SLC29A1: variants seen among roughly 807,000 people sequenced by gnomAD.
SLC29A1 encodes the protein equilibrative nucleoside transporter 1.
In SLC29A1, 22 loss-of-function variants were observed where a neutral mutation model predicts 48.3. That is an observed-to-expected ratio of 0.46 (90% CI 0.33 to 0.65). SLC29A1 has a LOEUF of 0.65. Among genes scored for constraint, SLC29A1 ranks in the 30% least tolerant of loss-of-function variants. SLC29A1 has a pLI of 0.03. For missense variants in SLC29A1, 491 were observed against 575.3 expected, an observed-to-expected ratio of 0.85 and a Z score of 1.50; for synonymous variants, 228 against 231.0, an observed-to-expected ratio of 0.99 and a Z score of 0.12.
intron 2 of SLC29A1, among the ~76,000 whole-genome samples, chr6:44,228,402 G>A (rs1561879703): frequency 6.6e-6 from 1 of 152,376 alleles, no homozygotes; most frequent in East Asian, 1.9e-4. Flanking sequence ...AGGGAAGCAT[G>A]TATGTGAGGG....
rs772161447 is a variant in SLC29A1, at chr6:44,230,068, C to A, written c.454+22C>A. 2.6e-5 allele frequency: 41 copies of A among 1,602,594 alleles called. 1 individual carries two copies. The highest frequency in any genetic ancestry group is 3.3e-5 in the Non-Finnish European group (39 of 1,179,780). ...AATTGTAAGCTGGGCCAGGAGGGGGCCTATGGGAGGAGGCATGCCCAACTA... is the reference window on the plus strand; with the variant it reads ...AATTGTAAGCTGGGCCAGGAGGGGGACTATGGGAGGAGGCATGCCCAACTA... On this transcript the variant is annotated intron_variant, in intron 5 of 12. Coordinates refer to ENST00000371755, the MANE Select transcript of SLC29A1 (RefSeq NM_001372327.1).
At chr6:44,221,326 A>T (rs577126605), upstream of SLC29A1, among the ~76,000 whole-genome samples, 116 of 152,362 alleles carry the variant, frequency 7.6e-4, 1 homozygote, top group African/African-American at 2.5e-3. This position sits in a 1 kb window ranked among gnomAD's most constrained non-coding sequence, Gnocchi z 4.2. Flanking sequence ...GAACACAGAC[A>T]GTCATGAGAC....
chr6:44,221,026 C>T (rs116543115), upstream of SLC29A1, among the ~76,000 whole-genome samples: 1,859 of 152,128 alleles, frequency 0.012, 33 homozygotes, highest in African/African-American at 0.041. This position sits in a 1 kb window ranked among gnomAD's most constrained non-coding sequence, Gnocchi z 4.2. Flanking sequence ...ACCACAGGCT[C>T]GAGCCACCAT....
upstream of SLC29A1, chr6:44,221,815 T>C: frequency 2.6e-6 from 1 of 382,004 alleles, no homozygotes; most frequent in South Asian, 2.0e-5. The surrounding 1 kb of genome is among the most constrained non-coding windows in gnomAD (Gnocchi z 4.2). Context: ...CGGACTTCTC[T>C]CCAACAATAA....
Position 44,229,497 on chromosome 6 carries a change from T to C in SLC29A1, c.111+26T>C, listed in dbSNP as rs1225352250. On this transcript the variant is annotated intron_variant, in intron 3 of 12. Coordinates refer to ENST00000371755, the MANE Select transcript of SLC29A1 (RefSeq NM_001372327.1). The surrounding 1 kb of genome is among the most constrained non-coding windows in gnomAD (Gnocchi z 5.1). The stretch of plus-strand genomic sequence containing the variant: ...GTGAGGCTGGAGGGACTGGGCTCCA[T>C]GGGGCAGTGCCCACTGTGCTTGCAG... 8.7e-6 allele frequency: 14 copies of C among 1,609,996 alleles called. No homozygotes were observed. The highest frequency in any genetic ancestry group is 1.1e-5 in the Non-Finnish European group (13 of 1,176,226).
upstream of SLC29A1, chr6:44,219,910 G>A: frequency 1.8e-6 from 1 of 550,792 alleles, no homozygotes; most frequent in South Asian, 2.0e-5. Flanking sequence ...GTGTCTCAGG[G>A]GAGTCAGAAT....
chr6:44,232,310 G>A lies in SLC29A1; in HGVS notation c.974-33G>A. 6.7e-7 allele frequency: 1 copy of A among 1,494,024 alleles called. No individual in the cohort carries two copies. Among genetic ancestry groups the A allele is most frequent in the Non-Finnish European group, 9.3e-7 (1 of 1,070,486 alleles). The allele number at this position is 1,494,024 out of a possible 1,614,324, so 92.5% of individuals were successfully genotyped here. On this transcript the variant is annotated intron_variant, in intron 10 of 12. Transcript: ENST00000371755. This position sits in a 1 kb window ranked among gnomAD's most constrained non-coding sequence, Gnocchi z 4.7. Reference sequence around the variant, plus strand: ...AGGCTTGCTATACCTGCCTCTGTGAGCCTGATAACCACCCGTTCATCTCCT... The same window carrying A: ...AGGCTTGCTATACCTGCCTCTGTGAACCTGATAACCACCCGTTCATCTCCT...
chr6:44,221,507 G>T (rs536501386), upstream of SLC29A1: 42 of 690,626 alleles, frequency 6.1e-5, no homozygotes, highest in Non-Finnish European at 9.2e-5. This position sits in a 1 kb window ranked among gnomAD's most constrained non-coding sequence, Gnocchi z 4.2. Context: ...GCCAAGCCAC[G>T]GTCCCATATA....
Position 44,232,166 on chromosome 6 carries a change from TG to T in SLC29A1, c.973+64del. ...ACAGGATCTTGAGTTGGGCTGGAAG[TG>T]GGGAAGGGAGGGAGCCTGGGTCACC... On this transcript the variant is annotated intron_variant, in intron 10 of 12. Transcript: ENST00000371755. The surrounding 1 kb of genome is among the most constrained non-coding windows in gnomAD (Gnocchi z 4.7). The T allele has an allele frequency of 7.1e-7, 1 of 1,413,036 alleles. No homozygotes were observed. The highest frequency in any genetic ancestry group is 2.3e-5 in the East Asian group (1 of 43,884). 87.5% of individuals were successfully genotyped at this position (1,413,036 alleles called of 1,614,324 possible). A position where few individuals can be genotyped will look rare whatever the true frequency, so the allele number is the denominator to read the frequency against.
Position 44,230,025 on chromosome 6 carries a change from A to G in SLC29A1, c.433A>G (p.Ile145Val), listed in dbSNP as rs757871996. The G allele has an allele frequency of 3.1e-6, 5 of 1,609,192 alleles. No individual in the cohort carries two copies. The highest frequency in any genetic ancestry group is 1.3e-5 in the African/African-American group (1 of 75,030). Residue 145 changes from isoleucine (I) to valine (V), a missense_variant, in exon 5 of 13, where the codon ATC becomes GTC. Coordinates refer to ENST00000371755, the MANE Select transcript of SLC29A1 (RefSeq NM_001372327.1). Reference sequence around the variant, plus strand: ...TCTGCCCTTCTTTGTCATCACCATGATCAAGATCGTGCTCATTAATTGTAA... The same window carrying G: ...TCTGCCCTTCTTTGTCATCACCATGGTCAAGATCGTGCTCATTAATTGTAA... ...DALPFFVITM[I>V]KIVLINSFGA...
At chr6:44,226,972 T>G (rs1319560739) in intron 1 of SLC29A1, 5 of 1,146,956 alleles carry the variant, frequency 4.4e-6, no homozygotes, top group Non-Finnish European at 1.1e-6. Context: ...CCCTCCTGTT[T>G]CCCAGCTTAT....
upstream of SLC29A1, among the ~76,000 whole-genome samples, chr6:44,222,895 G>C (rs769455180): frequency 6.6e-6 from 1 of 152,230 alleles, no homozygotes; most frequent in East Asian, 1.9e-4. Context: ...GAGGGAGCTG[G>C]AGGGCTTTGC....
Position 44,229,674 on chromosome 6 carries a change from C to T in SLC29A1, c.197C>T (p.Pro66Leu). Residue 66 changes from proline (P) to leucine (L), a missense_variant, in exon 4 of 13, where the codon CCT becomes CTT. By Grantham distance (98) the Pro-to-Leu change is moderately conservative (BLOSUM62 -3). Coordinates refer to ENST00000371755, the MANE Select transcript of SLC29A1 (RefSeq NM_001372327.1). This position sits in a 1 kb window ranked among gnomAD's most constrained non-coding sequence, Gnocchi z 5.1. ...AAGGACGCCCAGGCGTCAGCCGCCC[C>T]TGCAGCACCCTTGCCTGAGCGGAAC... ...LSKDAQASAA[P>L]AAPLPERNSL... 1 of 1,614,134 alleles carries T rather than the reference C, an allele frequency of 6.2e-7. No individual in the cohort carries two copies.
At chr6:44,228,631 G>A (rs891648787) in intron 2 of SLC29A1, among the ~76,000 whole-genome samples, 2 of 152,246 alleles carry the variant, frequency 1.3e-5, no homozygotes, top group African/African-American at 4.8e-5. Flanking sequence ...GGGCCGGGCT[G>A]GGGTTACTCA....
chr6:44,228,442 G>A (rs1778066917), intron 2 of SLC29A1, among the ~76,000 whole-genome samples: 1 of 152,226 alleles, frequency 6.6e-6, no homozygotes, highest in Non-Finnish European at 1.5e-5. Context: ...GCATTAACTC[G>A]GACCTGCTCA....
chr6:44,227,383 T>C, intron 2 of SLC29A1, 41 bp downstream of exon 2: 1 of 1,551,878 alleles, frequency 6.4e-7, no homozygotes, highest in South Asian at 1.1e-5. Flanking sequence ...AGGGAATGGG[T>C]TTTCAGGGAG....
chr6:44,220,016 C>G (rs1320834606), upstream of SLC29A1, among the ~76,000 whole-genome samples: 5 of 152,164 alleles, frequency 3.3e-5, no homozygotes, highest in Non-Finnish European at 7.3e-5. Flanking sequence ...ACAGATGTCC[C>G]AGGAACATAG....
upstream of SLC29A1, among the ~76,000 whole-genome samples, chr6:44,222,346 C>T (rs1197265731): frequency 1.3e-5 from 2 of 152,068 alleles, no homozygotes; most frequent in Non-Finnish European, 2.9e-5. Context: ...GACACCCATT[C>T]TGGAGTAGCT....
In SLC29A1 at chr6:44,223,625, C is replaced by T. The variant is rs1270995471; in HGVS notation, c.-68C>T. On this transcript the variant is annotated 5_prime_UTR_variant, in exon 1 of 13. Coordinates refer to ENST00000371755, the MANE Select transcript of SLC29A1 (RefSeq NM_001372327.1). This position sits in a 1 kb window ranked among gnomAD's most constrained non-coding sequence, Gnocchi z 5.0. ...GAGCGCGCGGATCTCAGCGCGGGAG[C>T]AGTGCTTCTGCGGCAGGTGCTGCCC... 2.5e-6 allele frequency: 3 copies of T among 1,211,672 alleles called. No homozygotes were observed. The highest frequency in any genetic ancestry group is 3.2e-6 in the Non-Finnish European group (3 of 950,166). The allele number at this position is 1,211,672 out of a possible 1,614,324, so 75.1% of individuals were successfully genotyped here. A position where few individuals can be genotyped will look rare whatever the true frequency, so the allele number is the denominator to read the frequency against.
Sources: allele counts gnomAD v4.1 joint callset (sites outside exome capture counted in the v4.1 genomes callset), GRCh38; gene constraint gnomAD v4.1.1; non-coding constraint Gnocchi (gnomAD v3.1); transcripts MANE v1.5; gene names NCBI Gene and HGNC (gene_info 2026-07-23, HGNC 2026-07-21).